The following UBASH3A variants were observed in gnomAD, a reference collection of about 807,000 sequenced individuals.
UBASH3A encodes ubiquitin associated and SH3 domain containing A.
A neutral mutation model predicts 73.5 loss-of-function variants in UBASH3A; 63 were observed. The observed-to-expected ratio is 0.86, with a 90% confidence interval of 0.70 to 1.06. The LOEUF (loss-of-function observed/expected upper bound fraction) is 1.06. Among genes scored for constraint, UBASH3A ranks in the 50% least tolerant of loss-of-function variants. The pLI is 0.00. For synonymous variants in UBASH3A, 363 were observed against 351.1 expected (o/e 1.03, Z -0.38); for missense variants, 860 against 859.0 (o/e 1.00, Z -0.02).
At chr21:42,428,926 C>T (rs3788014) in intron 8 of UBASH3A, among the ~76,000 whole-genome samples, 22,087 of 152,046 alleles carry the variant, frequency 0.15, 2,348 homozygotes, top group African/African-American at 0.29. Flanking sequence ...GCCCTAATCC[C>T]GGGAACTTGT....
At chr21:42,423,360 T>C (rs1432154874) in intron 7 of UBASH3A, among the ~76,000 whole-genome samples, 2 of 152,238 alleles carry the variant, frequency 1.3e-5, no homozygotes, top group Non-Finnish European at 2.9e-5. Flanking sequence ...GCAGCTCCCC[T>C]GCTTGAGAGG....
Position 42,446,897 on chromosome 21 carries a change from G to A in UBASH3A, c.1849-160G>A, listed in dbSNP as rs184064281. On this transcript the variant is annotated intron_variant, in intron 14 of 14. Transcript: ENST00000319294. ...TAGGGGACATCCCCCACGGGGCACC[G>A]CCAGGGCAGATGTTGGTGCCATTCA... is the stretch of plus-strand genomic sequence containing the variant. 4.1e-4 allele frequency among the ~76,000 whole-genome samples: 63 copies of A among 152,290 alleles called. No individual in the cohort carries two copies. The East Asian group carries it at 5.8e-3, about 14-fold the overall frequency.
chr21:42,432,758 T>G (rs6586314), intron 9 of UBASH3A, among the ~76,000 whole-genome samples: 28,155 of 152,126 alleles, frequency 0.19, 2,848 homozygotes, highest in African/African-American at 0.26. Context: ...AAGAAAGTGG[T>G]AAATGAGTAG....
chr21:42,436,030 A>C (rs1386876720), intron 10 of UBASH3A, among the ~76,000 whole-genome samples: 1 of 107,240 alleles, frequency 9.3e-6, no homozygotes, highest in South Asian at 2.6e-4. Flanking sequence ...TAGAGTCATA[A>C]AATTATAGAG....
intron 7 of UBASH3A, 77 bp from the exon 8 acceptor site, chr21:42,426,620 A>T: frequency 6.4e-7 from 1 of 1,556,394 alleles, no homozygotes; most frequent in Non-Finnish European, 8.8e-7. Flanking sequence ...TCAAGTACAT[A>T]CATGACCAGA....
chr21:42,427,471 A>G (rs949207245), intron 8 of UBASH3A, among the ~76,000 whole-genome samples: 2 of 152,076 alleles, frequency 1.3e-5, no homozygotes, highest in Non-Finnish European at 2.9e-5. Flanking sequence ...TGTTCTTCCC[A>G]AATTCGTCCG....
In UBASH3A at chr21:42,403,936, G is replaced by T. The variant is rs764199315; in HGVS notation, c.-10G>T. The stretch of plus-strand genomic sequence containing the variant: ...TGCAGGCGAGCTTCTTGGCCTAAGG[G>T]CAGGAAGAGATGGCAGCGGGGGAGA... On this transcript the variant is annotated 5_prime_UTR_variant, in exon 1 of 15. Transcript: ENST00000319294. 15 of 1,493,124 alleles carry T rather than the reference G, an allele frequency of 1.0e-5. No homozygotes were observed. Among genetic ancestry groups the T allele is most frequent in the Admixed American group, 2.1e-5 (1 of 47,176 alleles). 92.5% of individuals were successfully genotyped at this position (1,493,124 alleles called of 1,614,324 possible). A position where few individuals can be genotyped will look rare whatever the true frequency, so the allele number is the denominator to read the frequency against.
chr21:42,405,248 C>A (rs11203202), intron 1 of UBASH3A, among the ~76,000 whole-genome samples: 1 of 151,944 alleles, frequency 6.6e-6, no homozygotes. Flanking sequence ...GGGCGGCCAC[C>A]GGGCACCGTC....
chr21:42,406,136 G>A (rs539733872), intron 1 of UBASH3A, among the ~76,000 whole-genome samples, 172 bp from the exon 2 acceptor site: 3 of 152,066 alleles, frequency 2.0e-5, no homozygotes, highest in East Asian at 1.9e-4. Context: ...CCAAAACCAC[G>A]ATGGCAGCAC....
chr21:42,404,830 C>G (rs138851582), intron 1 of UBASH3A, among the ~76,000 whole-genome samples: 2 of 152,170 alleles, frequency 1.3e-5, no homozygotes, highest in African/African-American at 4.8e-5. Context: ...CCCTGCTTAC[C>G]CAAGGGAAAG....
chr21:42,421,644 C>T (rs1046127587), intron 7 of UBASH3A, among the ~76,000 whole-genome samples: 7 of 152,204 alleles, frequency 4.6e-5, no homozygotes, highest in Admixed American at 4.6e-4. Flanking sequence ...TTTCTGTACC[C>T]TTCCTAATGA....
intron 12 of UBASH3A, chr21:42,443,028 G>C (rs8131244): frequency 0.068 from 62,112 of 915,882 alleles, 2,462 homozygotes; most frequent in Middle Eastern, 0.12. Flanking sequence ...CAGAGGAGCT[G>C]GACTGGAGTT....
intron 7 of UBASH3A, among the ~76,000 whole-genome samples, chr21:42,423,708 C>T: frequency 2.6e-5 from 4 of 152,328 alleles, no homozygotes; most frequent in Admixed American, 2.6e-4. Flanking sequence ...ACCATTCCAG[C>T]TTTTATGCCT....
intron 11 of UBASH3A, among the ~76,000 whole-genome samples, chr21:42,440,930 T>G (rs2053729848): frequency 6.6e-6 from 1 of 152,214 alleles, no homozygotes; most frequent in African/African-American, 2.4e-5. Flanking sequence ...CTTATTCCCA[T>G]TTTTGGTGGA....
chr21:42,434,987 A>G (rs1344904186), intron 10 of UBASH3A, 33 bp downstream of exon 10: 2 of 1,611,374 alleles, frequency 1.2e-6, no homozygotes, highest in Non-Finnish European at 1.7e-6. Context: ...AGGAAAGGTA[A>G]CAATAACAGC....
chr21:42,429,769 C>T (rs2053497497), intron 8 of UBASH3A, among the ~76,000 whole-genome samples: 1 of 152,138 alleles, frequency 6.6e-6, no homozygotes, highest in Non-Finnish European at 1.5e-5. Context: ...CCAGGAGATG[C>T]ATGTTTCTAT....
intron 10 of UBASH3A, chr21:42,435,655 G>A (rs1164140334): frequency 2.0e-5 from 3 of 152,184 alleles, no homozygotes; most frequent in Non-Finnish European, 2.9e-5. Context: ...GAGTCATAGA[G>A]TTATAGAGTT....
chr21:42,444,376 C>T (rs1291426579), intron 13 of UBASH3A, among the ~76,000 whole-genome samples, 158 bp from the exon 14 acceptor site: 1 of 152,236 alleles, frequency 6.6e-6, no homozygotes, highest in Non-Finnish European at 1.5e-5. Flanking sequence ...GCAGGCATCA[C>T]TGAGCGGTTA....
chr21:42,419,519 G>A (rs1295251586), intron 7 of UBASH3A, among the ~76,000 whole-genome samples: 1 of 152,150 alleles, frequency 6.6e-6, no homozygotes, highest in Non-Finnish European at 1.5e-5. Context: ...CGATTTCCTG[G>A]AACACCTGTC....
Sources: gnomAD v4.1 joint callset for allele counts (sites outside exome capture counted in the v4.1 genomes callset) on GRCh38, gnomAD v4.1.1 for gene constraint, MANE v1.5 for transcripts, NCBI Gene and HGNC (gene_info 2026-07-23, HGNC 2026-07-21) for gene names.